The following KREMEN1 variants were observed in gnomAD, a reference collection of about 807,000 sequenced individuals.
KREMEN1 encodes the protein kringle containing transmembrane protein 1, also known as kremen protein 1.
A neutral mutation model predicts 46.5 loss-of-function variants in KREMEN1; 30 were observed. The observed-to-expected ratio is 0.65, with a 90% confidence interval of 0.48 to 0.88. The LOEUF is 0.88. KREMEN1 is among the 40% of genes least tolerant of loss of function. The pLI is 0.00. For missense variants in KREMEN1, 533 were observed against 596.9 expected, an observed-to-expected ratio of 0.89 and a Z score of 1.11; for synonymous variants, 214 against 230.6, an observed-to-expected ratio of 0.93 and a Z score of 0.65.
chr22:29,147,754 G>A (rs888709430), downstream of KREMEN1, among the ~76,000 whole-genome samples: 20 of 152,192 alleles, frequency 1.3e-4, no homozygotes, highest in Admixed American at 1.1e-3. Flanking sequence ...GGGCCCCCAA[G>A]CCAGTGCTGT....
At chr22:29,097,577 G>T (rs2037900388) in intron 2 of KREMEN1, among the ~76,000 whole-genome samples, 1 of 152,146 alleles carries the variant, frequency 6.6e-6, no homozygotes, top group South Asian at 2.1e-4. Context: ...GTGAAAGTTT[G>T]TCAGTGGAGT....
intron 9 of KREMEN1, among the ~76,000 whole-genome samples, chr22:29,153,940 C>G (rs2038939095): frequency 6.7e-6 from 1 of 149,562 alleles, no homozygotes; most frequent in African/African-American, 2.5e-5. Context: ...TCACTGCACT[C>G]CAGCCTGGGT....
At position 29,097,811 on chromosome 22, in the gene KREMEN1, C is replaced by T. The variant is rs2037903697; in HGVS notation, c.261-1051C>T. On this transcript the variant is annotated intron_variant, in intron 2 of 8. Transcript: ENST00000400335. The stretch of plus-strand genomic sequence containing the variant: ...AGATACTTTATAAGAGTTTGGTGTA[C>T]ATTCTTTCCTAAATAAGTCTTTTCA... Among the ~76,000 whole-genome samples, 2 of 152,180 alleles carry T rather than the reference C, an allele frequency of 1.3e-5. 1 individual carries two copies. The highest frequency in any genetic ancestry group is 4.2e-4 in the South Asian group (2 of 4,810).
At chr22:29,167,713 T>C (rs914294493) in exon 10 of KREMEN1, 2 of 152,016 alleles carry the variant, frequency 1.3e-5, no homozygotes, top group Non-Finnish European at 2.9e-5. Flanking sequence ...CCTACTGTGG[T>C]TTTTTCTGAG....
chr22:29,099,027 C>G, intron 3 of KREMEN1, 74 bp downstream of exon 3: 2 of 1,117,228 alleles, frequency 1.8e-6, no homozygotes, highest in South Asian at 2.5e-5. Context: ...AGGCCCCTGC[C>G]AGAGGTCAGG....
At chr22:29,120,053 AAC>A (rs1456295350) in intron 3 of KREMEN1, among the ~76,000 whole-genome samples, 5 of 130,584 alleles carry the variant, frequency 3.8e-5, no homozygotes, top group Non-Finnish European at 4.8e-5. Context: ...TGATGATGGA[AAC>A]AGGGAGGAGG....
At chr22:29,131,598 A>T (rs1231289355) in intron 5 of KREMEN1, among the ~76,000 whole-genome samples, 1 of 123,160 alleles carries the variant, frequency 8.1e-6, no homozygotes, top group Non-Finnish European at 1.6e-5. Flanking sequence ...GTGTGTGTAT[A>T]TGTATATATG....
chr22:29,088,306 T>TACACACAC (rs199764170), intron 1 of KREMEN1, among the ~76,000 whole-genome samples: 4,070 of 149,858 alleles, frequency 0.027, 88 homozygotes, highest in African/African-American at 0.057. Context: ...CACGCGTGCA[T>TACACACAC]ACACACACAC....
At position 29,131,865 on chromosome 22, in the gene KREMEN1, C is replaced by CTTT. The variant is rs71196633; in HGVS notation, c.632-5455_632-5453dup. ...CTGGCTTCTTTCACTTAGAATAATGCTTTTTTTTTTTTTTTTTTTTTTTTG... is the reference window on the plus strand; with the variant it reads ...CTGGCTTCTTTCACTTAGAATAATGCTTTTTTTTTTTTTTTTTTTTTTTTTTTG... On this transcript the variant is annotated intron_variant, in intron 5 of 8. Coordinates refer to ENST00000400335, the MANE Select transcript of KREMEN1 (RefSeq NM_001039570.3). Among the ~76,000 whole-genome samples, 22 of 45,848 alleles carry CTTT rather than the reference C, an allele frequency of 4.8e-4. 2 individuals carry two copies. Among genetic ancestry groups the CTTT allele is most frequent in the African/African-American group, 1.1e-3 (11 of 10,342 alleles). The allele number at this position is 45,848 out of a possible 152,430, so 30.1% of individuals were successfully genotyped here.
intron 4 of KREMEN1, among the ~76,000 whole-genome samples, chr22:29,124,012 T>G (rs1217365126): frequency 2.0e-5 from 3 of 152,162 alleles, no homozygotes; most frequent in Admixed American, 1.3e-4. Flanking sequence ...GGAAAAAGTT[T>G]GGCACTTTTT....
Position 29,143,320 on chromosome 22 carries a change from T to C in KREMEN1, c.*1208T>C. The C allele has an allele frequency of 1.0e-6, 1 of 985,486 alleles. No homozygotes were observed. Among genetic ancestry groups the C allele is most frequent in the South Asian group, 4.7e-5 (1 of 21,290 alleles). The allele number at this position is 985,486 out of a possible 1,614,324, so 61.0% of individuals were successfully genotyped here. A position where few individuals can be genotyped will look rare whatever the true frequency, so the allele number is the denominator to read the frequency against. On this transcript the variant is annotated 3_prime_UTR_variant, in exon 9 of 9. Coordinates refer to ENST00000400335, the MANE Select transcript of KREMEN1 (RefSeq NM_001039570.3). ...CCTGAGCCAGGCCTCAGTCTCTCCA[T>C]GATTGGCTCAGCTAACTCTCAGTTC...
intron 7 of KREMEN1, among the ~76,000 whole-genome samples, chr22:29,139,467 G>A (rs1042120778): frequency 2.0e-5 from 3 of 152,122 alleles, no homozygotes; most frequent in Non-Finnish European, 2.9e-5. Context: ...TCTGGGTGTG[G>A]TGGTGCACGC....
downstream of KREMEN1, among the ~76,000 whole-genome samples, chr22:29,150,229 G>C (rs982530735): frequency 2.0e-5 from 3 of 152,320 alleles, no homozygotes; most frequent in African/African-American, 4.8e-5. Context: ...GGTGGGGGGG[G>C]GGGCAGTGCC....
At chr22:29,090,568 T>A (rs1235084860) in intron 1 of KREMEN1, among the ~76,000 whole-genome samples, 2 of 152,064 alleles carry the variant, frequency 1.3e-5, no homozygotes, top group East Asian at 3.9e-4. Context: ...AGTGTGGAGG[T>A]TCCTCAAATG....
chr22:29,158,910 C>A (rs185692601), intron 9 of KREMEN1, among the ~76,000 whole-genome samples: 3 of 152,286 alleles, frequency 2.0e-5, no homozygotes, highest in Non-Finnish European at 4.4e-5. Context: ...CCTCCGCCTC[C>A]TGGGTTCAAG....
Position 29,142,473 on chromosome 22 carries a change from TG to T in KREMEN1, c.*363del. 4 of 1,024,752 alleles carry T rather than the reference TG, an allele frequency of 3.9e-6. No homozygotes were observed. The highest frequency in any genetic ancestry group is 4.7e-6 in the Non-Finnish European group (4 of 856,528). 63.5% of individuals were successfully genotyped at this position (1,024,752 alleles called of 1,614,324 possible). Reference sequence around the variant, plus strand: ...AGGTACATTCTAGATGGCTGTCAGGTGGTGGGTAGCTTTAGTTACATTGAAT... The same window carrying T: ...AGGTACATTCTAGATGGCTGTCAGGTGTGGGTAGCTTTAGTTACATTGAAT... On this transcript the variant is annotated 3_prime_UTR_variant, in exon 9 of 9. Transcript: ENST00000400335.
chr22:29,136,589 AT>A lies in KREMEN1; in HGVS notation c.632-752del, dbSNP rs1454650142. The stretch of plus-strand genomic sequence containing the variant: ...GACTCCTTCTCAAAAAAAAAAAAAA[AT>A]AGAATCCTAGCCCTACATTCCCTCC... On this transcript the variant is annotated intron_variant, in intron 5 of 8. Transcript: ENST00000400335. Among the ~76,000 whole-genome samples the A allele has an allele frequency of 6.6e-3, 977 of 147,274 alleles. 14 individuals are homozygous for A. Among genetic ancestry groups the A allele is most frequent in the African/African-American group, 0.024 (907 of 37,884 alleles).
At chr22:29,076,041 G>C (rs889438091) in intron 1 of KREMEN1, among the ~76,000 whole-genome samples, 2 of 152,106 alleles carry the variant, frequency 1.3e-5, no homozygotes, top group African/African-American at 4.8e-5. Flanking sequence ...GAAGGTAATG[G>C]AATCTAGACT....
chr22:29,147,651 T>C (rs554031306), downstream of KREMEN1, among the ~76,000 whole-genome samples: 2 of 152,306 alleles, frequency 1.3e-5, no homozygotes, highest in African/African-American at 4.8e-5. Flanking sequence ...TCCTTGCATC[T>C]GGGAAAACAG....
Sources: allele counts gnomAD v4.1 joint callset (sites outside exome capture counted in the v4.1 genomes callset), GRCh38; gene constraint gnomAD v4.1.1; transcripts MANE v1.5; gene names NCBI Gene and HGNC (gene_info 2026-07-23, HGNC 2026-07-21).